Variants in ADCY8 observed in about 807,000 individuals in gnomAD.
ADCY8 encodes adenylate cyclase 8.
A neutral mutation model predicts 119.7 loss-of-function variants in ADCY8; 51 were observed. The ratio of observed to expected loss-of-function variants is 0.43; its 90% CI spans 0.34 to 0.54. ADCY8 has a LOEUF of 0.54. ADCY8 is among the 20% of genes least tolerant of loss of function. The pLI is 0.03. For synonymous variants in ADCY8, 665 were observed against 651.0 expected, an observed-to-expected ratio of 1.02 and a Z score of -0.33; for missense variants, 1,383 against 1,598.8, an observed-to-expected ratio of 0.87 and a Z score of 2.30.
chr8:130,790,276 TAG>T (rs1815385318), intron 15 of ADCY8, among the ~76,000 whole-genome samples: 1 of 152,200 alleles, frequency 6.6e-6, no homozygotes, highest in South Asian at 2.1e-4. Context: ...ATATGATTAT[TAG>T]AGAGACCCAT....
chr8:130,888,208 A>AAT (rs965752121), intron 7 of ADCY8, among the ~76,000 whole-genome samples: 15 of 151,322 alleles, frequency 9.9e-5, no homozygotes, highest in Admixed American at 7.3e-4. Flanking sequence ...ACTATAATAT[A>AAT]ATATATATAT....
chr8:130,969,997 AACT>A (rs1232504914), intron 2 of ADCY8, among the ~76,000 whole-genome samples: 1 of 152,222 alleles, frequency 6.6e-6, no homozygotes. Context: ...ATTAAATTAT[AACT>A]ATAGGGTCCT....
At chr8:130,917,129 G>A (rs1820153270) in intron 5 of ADCY8, among the ~76,000 whole-genome samples, 2 of 152,276 alleles carry the variant, frequency 1.3e-5, no homozygotes, top group South Asian at 4.2e-4. Flanking sequence ...CTGAGGCTCT[G>A]AGAGGATTAA....
intron 1 of ADCY8, among the ~76,000 whole-genome samples, chr8:131,026,736 T>C (rs1473945590): frequency 5.3e-5 from 8 of 152,212 alleles, no homozygotes; most frequent in Non-Finnish European, 1.2e-4. Context: ...GCCCAGAAAC[T>C]GTCAGCTTAG....
intron 8 of ADCY8, among the ~76,000 whole-genome samples, chr8:130,879,000 A>T (rs138938159): frequency 0.011 from 1,649 of 152,260 alleles, 36 homozygotes; most frequent in African/African-American, 0.038. Context: ...TGTTTTTGGA[A>T]CACTTAGCTT....
Position 131,039,988 on chromosome 8 carries a change from C to T in ADCY8, c.346G>A (p.Gly116Ser), listed in dbSNP as rs754763494. 8 of 1,573,652 alleles carry T rather than the reference C, an allele frequency of 5.1e-6. No individual in the cohort carries two copies. The Admixed American group carries it at 5.5e-5, about 11-fold the overall frequency. Residue 116 changes from glycine (G) to serine (S), a missense_variant, in exon 1 of 18, where the codon GGC becomes AGC. Coordinates refer to ENST00000286355, the MANE Select transcript of ADCY8 (RefSeq NM_001115.3). The stretch of plus-strand genomic sequence containing the variant: ...CCGCCTCCGCTGCCGCTGGCACTGC[C>T]GCTCCCGCTGCGTTCCGGGAAGACT... The part of the protein sequence containing the change: ...TKVFPERSGS[G>S]SASGSGGGGD...
intron 2 of ADCY8, among the ~76,000 whole-genome samples, chr8:130,989,345 A>C (rs1194182400): frequency 6.6e-5 from 10 of 152,142 alleles, no homozygotes; most frequent in Admixed American, 6.5e-4. Flanking sequence ...CACTTACTTC[A>C]AAGATCCCTG....
intron 5 of ADCY8, chr8:130,935,271 A>T (rs1820750398): frequency 6.6e-6 from 1 of 152,226 alleles, no homozygotes; most frequent in South Asian, 2.1e-4. Context: ...TGGCCAGCCC[A>T]GCCTAATGTA....
chr8:130,782,348 A>G (rs539747625), intron 17 of ADCY8, among the ~76,000 whole-genome samples: 7 of 152,192 alleles, frequency 4.6e-5, no homozygotes, highest in African/African-American at 7.2e-5. Flanking sequence ...TGAGGTAGAG[A>G]GGCAGAGGAG....
chr8:130,948,998 G>A (rs956715349), intron 3 of ADCY8, among the ~76,000 whole-genome samples: 3 of 152,126 alleles, frequency 2.0e-5, no homozygotes, highest in Non-Finnish European at 4.4e-5. Flanking sequence ...CAGGGCCGGC[G>A]GCTGGTTTCT....
intron 1 of ADCY8, among the ~76,000 whole-genome samples, chr8:131,008,251 G>T (rs1196315374): frequency 6.6e-6 from 1 of 152,194 alleles, no homozygotes; most frequent in African/African-American, 2.4e-5. Context: ...TCAGGCTTCA[G>T]AGACTTATAT....
intron 9 of ADCY8, among the ~76,000 whole-genome samples, chr8:130,864,993 T>G (rs1001370374): frequency 6.6e-6 from 1 of 152,176 alleles, no homozygotes; most frequent in Non-Finnish European, 1.5e-5. Context: ...TCACTCTGGC[T>G]GGGAGTTAAG....
In ADCY8 at chr8:130,955,923, A is replaced by G. The variant is rs75314482; in HGVS notation, c.1111-3925T>C. ...ACTTTGGGAGACTGAGCTGGGAAGAATGCTTGAGCACAGGAGTTTGAGACT... is the reference window on the plus strand; with the variant it reads ...ACTTTGGGAGACTGAGCTGGGAAGAGTGCTTGAGCACAGGAGTTTGAGACT... On this transcript the variant is annotated intron_variant, in intron 2 of 17. Transcript: ENST00000286355. Among the ~76,000 whole-genome samples the G allele has an allele frequency of 2.6e-3, 393 of 152,262 alleles. 7 individuals carry two copies. The highest frequency in any genetic ancestry group is 0.022 in the Admixed American group (338 of 15,296).
intron 9 of ADCY8, 45 bp from the exon 10 acceptor site, chr8:130,849,848 G>A: frequency 2.6e-6 from 4 of 1,535,126 alleles, no homozygotes; most frequent in Non-Finnish European, 3.6e-6. Flanking sequence ...TCAATTGTCT[G>A]AGCAACACTG....
chr8:130,906,093 A>C (rs1338186194), intron 6 of ADCY8, among the ~76,000 whole-genome samples: 1 of 152,234 alleles, frequency 6.6e-6, no homozygotes, highest in Non-Finnish European at 1.5e-5. Context: ...GCAAGATGTT[A>C]AAAATAAATG....
intron 15 of ADCY8, among the ~76,000 whole-genome samples, chr8:130,786,699 G>C (rs146862636): frequency 3.1e-4 from 47 of 152,290 alleles, no homozygotes; most frequent in African/African-American, 1.1e-3. Flanking sequence ...AGGGAGGTCA[G>C]ATGTTAAAAA....
At chr8:130,915,066 G>A (rs1820087026) in intron 5 of ADCY8, among the ~76,000 whole-genome samples, 1 of 152,122 alleles carries the variant, frequency 6.6e-6, no homozygotes, top group South Asian at 2.1e-4. Flanking sequence ...TTCAAACAGA[G>A]CAAATCTACT....
At chr8:130,874,350 T>TAAAA (rs1227428487) in intron 8 of ADCY8, among the ~76,000 whole-genome samples, 1 of 126,202 alleles carries the variant, frequency 7.9e-6, no homozygotes, top group South Asian at 2.4e-4. Flanking sequence ...AATAAATAAA[T>TAAAA]AAATAAAATA....
chr8:130,786,829 C>T (rs1053353071), intron 15 of ADCY8, among the ~76,000 whole-genome samples: 1 of 151,998 alleles, frequency 6.6e-6, no homozygotes, highest in Non-Finnish European at 1.5e-5. Flanking sequence ...GGAAGGGATC[C>T]CTCAGCAAGT....
Sources: gnomAD v4.1 joint callset for allele counts (sites outside exome capture counted in the v4.1 genomes callset) on GRCh38, gnomAD v4.1.1 for gene constraint, MANE v1.5 for transcripts, NCBI Gene and HGNC (gene_info 2026-07-23, HGNC 2026-07-21) for gene names.